Variants in DACH1 observed in about 807,000 individuals in gnomAD.
The protein encoded by DACH1 is dachshund family transcription factor 1.
DACH1 carries 12 observed loss-of-function variants against 54.2 expected under a neutral mutation model. The ratio of observed to expected loss-of-function variants is 0.22; its 90% CI spans 0.14 to 0.36. The LOEUF is 0.36. Among genes scored for constraint, DACH1 ranks in the 10% least tolerant of loss-of-function variants. The pLI, the probability that DACH1 is intolerant of heterozygous loss-of-function variation, is 1.00. For synonymous variants in DACH1, 386 were observed against 366.2 expected, an observed-to-expected ratio of 1.05 and a Z score of -0.62; for missense variants, 805 against 929.8, an observed-to-expected ratio of 0.87 and a Z score of 1.75.
At chr13:71,470,994 G>A (rs1877019673) in intron 10 of DACH1, among the ~76,000 whole-genome samples, 1 of 152,176 alleles carries the variant, frequency 6.6e-6, no homozygotes, top group South Asian at 2.1e-4. Context: ...AGTTGCCACA[G>A]CGGGAGAGTG....
intron 1 of DACH1, among the ~76,000 whole-genome samples, chr13:71,702,017 T>G (rs971028875): frequency 1.3e-5 from 2 of 152,242 alleles, no homozygotes; most frequent in East Asian, 3.9e-4. Flanking sequence ...CTTTTTCCTC[T>G]TCTTCTTATC....
chr13:71,626,745 T>G (rs1186604678), intron 3 of DACH1, among the ~76,000 whole-genome samples: 1 of 152,060 alleles, frequency 6.6e-6, no homozygotes, highest in Non-Finnish European at 1.5e-5. Flanking sequence ...AGCATCTATT[T>G]CTATGGCCAA....
At chr13:71,525,499 T>C (rs1881894247) in intron 6 of DACH1, among the ~76,000 whole-genome samples, 1 of 152,118 alleles carries the variant, frequency 6.6e-6, no homozygotes, top group African/African-American at 2.4e-5. Context: ...CAGACACAAA[T>C]TCAAAATTAA....
intron 1 of DACH1, among the ~76,000 whole-genome samples, chr13:71,742,086 A>C (rs1297846710): frequency 1.3e-5 from 2 of 152,168 alleles, no homozygotes; most frequent in African/African-American, 4.8e-5. Flanking sequence ...GTCTCACAGA[A>C]TCTGATAGGT....
chr13:71,443,527 C>T (rs1405199389), intron 10 of DACH1, among the ~76,000 whole-genome samples: 1 of 152,096 alleles, frequency 6.6e-6, no homozygotes. Context: ...ATAGTTGAAA[C>T]ATATAATAAT....
At chr13:71,704,481 T>C (rs951707613) in intron 1 of DACH1, 15 of 346,710 alleles carry the variant, frequency 4.3e-5, no homozygotes, top group Non-Finnish European at 6.9e-5. Context: ...AGAGCTGAGA[T>C]AGCTTCCTGA....
At chr13:71,497,855 T>C (rs906692067) in intron 6 of DACH1, among the ~76,000 whole-genome samples, 17 of 132,188 alleles carry the variant, frequency 1.3e-4, no homozygotes, top group African/African-American at 5.0e-4. Flanking sequence ...AGGAAATATG[T>C]GTTGACACAC....
intron 1 of DACH1, among the ~76,000 whole-genome samples, chr13:71,703,095 G>A (rs1386592482): frequency 6.6e-6 from 1 of 152,042 alleles, no homozygotes; most frequent in Admixed American, 6.6e-5. Flanking sequence ...TTTCTTAATT[G>A]TGTGTCATAT....
At chr13:71,672,213 T>C (rs1018100867) in intron 2 of DACH1, among the ~76,000 whole-genome samples, 2 of 152,198 alleles carry the variant, frequency 1.3e-5, no homozygotes, top group African/African-American at 4.8e-5. Context: ...TGTACCATAA[T>C]GTTCATTTAT....
At chr13:71,457,414 C>T (rs1875668868) in intron 10 of DACH1, among the ~76,000 whole-genome samples, 1 of 151,844 alleles carries the variant, frequency 6.6e-6, no homozygotes, top group African/African-American at 2.4e-5. Flanking sequence ...GTATTTTTAT[C>T]ATTCACTATT....
At chr13:71,672,272 C>T (rs1340893064) in intron 2 of DACH1, among the ~76,000 whole-genome samples, 2 of 152,130 alleles carry the variant, frequency 1.3e-5, no homozygotes, top group African/African-American at 2.4e-5. Context: ...ATGCAGAATA[C>T]GTTTAAATCA....
chr13:71,511,573 T>C (rs2138258610), intron 6 of DACH1, among the ~76,000 whole-genome samples: 1 of 151,732 alleles, frequency 6.6e-6, no homozygotes, highest in South Asian at 2.1e-4. Context: ...GATGGAAATA[T>C]AAACAAAACA....
chr13:71,683,896 C>T (rs530309024), intron 1 of DACH1, among the ~76,000 whole-genome samples: 4 of 152,076 alleles, frequency 2.6e-5, no homozygotes, highest in East Asian at 3.9e-4. Context: ...AATCTCTGCT[C>T]GGATGTTCTA....
chr13:71,623,349 CTAATT>C (rs980682897), intron 3 of DACH1, among the ~76,000 whole-genome samples: 26 of 151,500 alleles, frequency 1.7e-4, no homozygotes, highest in East Asian at 7.7e-4. Flanking sequence ...TTAAAATAAT[CTAATT>C]TAAGCTATAT....
chr13:71,838,003 G>C (rs958068148), intron 1 of DACH1, among the ~76,000 whole-genome samples: 4 of 86,614 alleles, frequency 4.6e-5, no homozygotes, highest in Non-Finnish European at 8.6e-5. Flanking sequence ...GGGGACTGTG[G>C]TGGGGAGGGG....
At position 71,493,212 on chromosome 13, in the gene DACH1, T is replaced by C. The variant is rs140470159; in HGVS notation, c.1571-4064A>G. Among the ~76,000 whole-genome samples, 134 of 152,202 alleles carry C rather than the reference T, an allele frequency of 8.8e-4. 1 individual carries two copies. The highest frequency in any genetic ancestry group is 3.2e-3 in the African/African-American group (131 of 41,536). ...TTGGTTATAAAATGTCTAGCTTCCA[T>C]TTCTCTCTCTCTTTCTTTTGCATTG... On this transcript the variant is annotated intron_variant, in intron 6 of 10. Transcript: ENST00000613252.
chr13:71,816,961 T>G (rs1324641268), intron 1 of DACH1, among the ~76,000 whole-genome samples: 1 of 152,016 alleles, frequency 6.6e-6, no homozygotes, highest in African/African-American at 2.4e-5. Context: ...TAATGGGTAC[T>G]AGGCTTGATG....
chr13:71,738,774 T>C (rs1056128471), intron 1 of DACH1, among the ~76,000 whole-genome samples: 1 of 74,712 alleles, frequency 1.3e-5, no homozygotes, highest in African/African-American at 4.2e-5. Context: ...CAGAAAACTA[T>C]CAAATGCTCA....
intron 2 of DACH1, among the ~76,000 whole-genome samples, chr13:71,677,981 G>A (rs1225242817): frequency 1.3e-5 from 2 of 152,144 alleles, no homozygotes; most frequent in Non-Finnish European, 2.9e-5. Context: ...GCCTCCCAAA[G>A]TGCTGAGATT....
Sources: gnomAD v4.1 joint callset for allele counts (sites outside exome capture counted in the v4.1 genomes callset) on GRCh38, gnomAD v4.1.1 for gene constraint, MANE v1.5 for transcripts, NCBI Gene and HGNC (gene_info 2026-07-23, HGNC 2026-07-21) for gene names.